The following TRIM29 variants were observed in gnomAD, a reference collection of about 807,000 sequenced individuals.
TRIM29 encodes tripartite motif-containing protein 29.
TRIM29 carries 52 observed loss-of-function variants against 57.3 expected under a neutral mutation model. That is an observed-to-expected ratio of 0.91 (90% CI 0.73 to 1.14). The LOEUF is 1.14. Among genes scored for constraint, TRIM29 ranks in the 50% most tolerant of loss-of-function variants. The probability of loss-of-function intolerance (pLI) is 0.00; values close to 1 mark genes in which losing one functional copy is unlikely to be tolerated. For synonymous variants in TRIM29, 319 were observed against 316.9 expected, an observed-to-expected ratio of 1.01 and a Z score of -0.07; for missense variants, 753 against 774.6, an observed-to-expected ratio of 0.97 and a Z score of 0.33.
At chr11:120,113,836 A>C (rs1863199275) in intron 8 of TRIM29, among the ~76,000 whole-genome samples, 1 of 152,170 alleles carries the variant, frequency 6.6e-6, no homozygotes, top group Non-Finnish European at 1.5e-5. Flanking sequence ...AGATTGGGTC[A>C]ATAATATGGG....
chr11:120,117,936 G>A (rs1863317647), intron 7 of TRIM29: 1 of 456,068 alleles, frequency 2.2e-6, no homozygotes, highest in Non-Finnish European at 4.0e-6. Flanking sequence ...AGTGCAGGGG[G>A]TATGGCATGT....
intron 4 of TRIM29, 24 bp downstream of exon 4, chr11:120,125,667 G>C: frequency 3.7e-6 from 6 of 1,613,252 alleles, no homozygotes; most frequent in Non-Finnish European, 5.1e-6. Context: ...TGGCCTTGGG[G>C]CCCAGCCACG....
chr11:120,128,225 G>A (rs564154471), intron 2 of TRIM29, among the ~76,000 whole-genome samples, 175 bp downstream of exon 2: 2 of 152,276 alleles, frequency 1.3e-5, no homozygotes, highest in African/African-American at 4.8e-5. Context: ...CTGAGTGCCT[G>A]GCTCAGACTG....
At position 120,138,017 on chromosome 11, in the gene TRIM29, A is replaced by T; in HGVS notation, c.15T>A (p.Asp5Glu). MEAA[D>E]ASRSNGSSPE... Reference sequence around the variant, plus strand: ...GGCTCGACCCGTTGCTCCTGGAGGCATCTGCAGCTTCCATCGCAGGGTGCT... The same window carrying T: ...GGCTCGACCCGTTGCTCCTGGAGGCTTCTGCAGCTTCCATCGCAGGGTGCT... Residue 5 changes from aspartate (D) to glutamate (E), a missense_variant, in exon 1 of 9, where the codon GAT becomes GAA. Coordinates refer to ENST00000341846, the MANE Select transcript of TRIM29 (RefSeq NM_012101.4). The T allele has an allele frequency of 6.3e-7, 1 of 1,598,392 alleles. No individual in the cohort carries two copies. The highest frequency in any genetic ancestry group is 1.3e-5 in the African/African-American group (1 of 74,996).
At chr11:120,120,763 A>T in intron 5 of TRIM29, 98 bp from the exon 6 acceptor site, 1 of 957,758 alleles carries the variant, frequency 1.0e-6, no homozygotes. Context: ...CAGGACCTGG[A>T]TTCCACCACT....
chr11:120,122,473 A>G (rs747094883), intron 5 of TRIM29, among the ~76,000 whole-genome samples: 1 of 152,160 alleles, frequency 6.6e-6, no homozygotes. Context: ...CAGGGTGCAG[A>G]GCCAGGAAAC....
chr11:120,118,370 G>A, intron 6 of TRIM29, 49 bp from the exon 7 acceptor site: 3 of 1,457,684 alleles, frequency 2.1e-6, no homozygotes, highest in Non-Finnish European at 2.8e-6. Context: ...GGGAGTGGGA[G>A]AGGAGGCAGG....
intron 6 of TRIM29, among the ~76,000 whole-genome samples, chr11:120,120,182 G>A (rs989157322): frequency 8.3e-5 from 4 of 48,392 alleles, no homozygotes; most frequent in Admixed American, 3.5e-4. Flanking sequence ...TGGGGGGGGT[G>A]GCGCATTCCC....
At chr11:120,130,566 T>G (rs569781271) in intron 1 of TRIM29, among the ~76,000 whole-genome samples, 2 of 152,316 alleles carry the variant, frequency 1.3e-5, no homozygotes, top group East Asian at 3.9e-4. Flanking sequence ...GTTGCCTGGC[T>G]TCTCTGTGCC....
intron 7 of TRIM29, 29 bp from the exon 8 acceptor site, chr11:120,115,443 G>GGAGCAGC: frequency 6.2e-7 from 1 of 1,605,800 alleles, no homozygotes; most frequent in African/African-American, 1.3e-5. Context: ...CAGGTCAAAG[G>GGAGCAGC]GAGCAGCGCT....
chr11:120,131,227 G>T (rs368556202), intron 1 of TRIM29, among the ~76,000 whole-genome samples: 1 of 152,146 alleles, frequency 6.6e-6, no homozygotes, highest in Non-Finnish European at 1.5e-5. Context: ...CTCCCCAGGT[G>T]AGCGTGGATT....
rs116637373 is a variant in TRIM29, at chr11:120,137,390, G to A, written c.642C>T (p.Leu214=). ...GGGCCTCAAAGTCCCGGATGGGCTC[G>A]AGCAGCTGGTGGTCTCGGAAGGCGG... The part of the protein sequence containing the change: ...EGAAFRDHQL[L]EPIRDFEARK... The change falls in exon 1 of 9, where the codon CTC becomes CTT. Residue 214 remains leucine, a synonymous_variant. Coordinates refer to ENST00000341846, the MANE Select transcript of TRIM29 (RefSeq NM_012101.4). This position sits in a 1 kb window ranked among gnomAD's most constrained non-coding sequence, Gnocchi z 6.2. 4 of 1,612,818 alleles carry A rather than the reference G, an allele frequency of 2.5e-6. No homozygotes were observed. Among genetic ancestry groups the A allele is most frequent in the Non-Finnish European group, 3.4e-6 (4 of 1,180,014 alleles).
intron 8 of TRIM29, among the ~76,000 whole-genome samples, 193 bp downstream of exon 8, chr11:120,115,145 C>T (rs1863234738): frequency 6.6e-6 from 1 of 152,234 alleles, no homozygotes; most frequent in Non-Finnish European, 1.5e-5. Context: ...AGCTAGTCCC[C>T]TGCCCATTAG....
At chr11:120,133,643 C>A (rs960482365) in intron 1 of TRIM29, among the ~76,000 whole-genome samples, 4 of 152,240 alleles carry the variant, frequency 2.6e-5, no homozygotes, top group Non-Finnish European at 5.9e-5. Flanking sequence ...TGGCCTTTAG[C>A]CTGGCTCCCC....
Position 120,125,812 on chromosome 11 carries a change from G to C in TRIM29, c.1212C>G (p.Gly404=), listed in dbSNP as rs1402106669. Residue 404 remains glycine (G), a synonymous_variant, in exon 4 of 9, where the codon GGC becomes GGG. Transcript: ENST00000341846. ...TGAAGTTGCCTAGTGACTGTCCCAGGCCCTCCCCCTCCAGCAGGACATGAT... is the reference window on the plus strand; with the variant it reads ...TGAAGTTGCCTAGTGACTGTCCCAGCCCCTCCCCCTCCAGCAGGACATGAT... The part of the protein sequence containing the change: ...PTYHVLLEGE[G]LGQSLGNFKD... 6.2e-7 allele frequency: 1 copy of C among 1,614,178 alleles called. No homozygotes were observed. Among genetic ancestry groups the C allele is most frequent in the South Asian group, 1.1e-5 (1 of 91,076 alleles).
At chr11:120,115,530 T>G in intron 7 of TRIM29, 116 bp from the exon 8 acceptor site, 1 of 883,682 alleles carries the variant, frequency 1.1e-6, no homozygotes, top group East Asian at 2.6e-5. Context: ...TCCAGCCCAT[T>G]ACCAAATGCA....
At chr11:120,127,246 T>C (rs1390374748) in intron 3 of TRIM29, 90 bp downstream of exon 3, 3 of 1,099,424 alleles carry the variant, frequency 2.7e-6, no homozygotes, top group South Asian at 2.9e-5. Flanking sequence ...GGTGGATAAG[T>C]GGATAGGTGG....
At chr11:120,121,785 G>A (rs1301427819) in intron 5 of TRIM29, 2 of 334,884 alleles carry the variant, frequency 6.0e-6, no homozygotes, top group Non-Finnish European at 1.2e-5. Flanking sequence ...CAGAGCAGGA[G>A]AGACCCGCAG....
intron 5 of TRIM29, 144 bp downstream of exon 5, chr11:120,122,810 G>A (rs1442797110): frequency 4.6e-6 from 3 of 656,798 alleles, no homozygotes; most frequent in East Asian, 2.7e-5. Flanking sequence ...AGGACAACAC[G>A]TAGATGCCAG....
Sources: allele counts gnomAD v4.1 joint callset (sites outside exome capture counted in the v4.1 genomes callset), GRCh38; gene constraint gnomAD v4.1.1; non-coding constraint Gnocchi (gnomAD v3.1); transcripts MANE v1.5; gene names NCBI Gene and HGNC (gene_info 2026-07-23, HGNC 2026-07-21).